SLC2A13: variants seen among roughly 807,000 people sequenced by gnomAD.
SLC2A13 encodes the protein solute carrier family 2 member 13.
SLC2A13 carries 32 observed loss-of-function variants against 64.4 expected under a neutral mutation model. The observed-to-expected ratio is 0.50, with a 90% CI of 0.37 to 0.67. SLC2A13 has a LOEUF of 0.67. SLC2A13 is among the 30% of genes least tolerant of loss of function. The pLI is 0.00. For missense variants in SLC2A13, 743 were observed against 829.2 expected (o/e 0.90, Z 1.28); for synonymous variants, 338 against 327.1 (o/e 1.03, Z -0.36).
At chr12:39,958,764 T>G (rs1015732820) in intron 3 of SLC2A13, among the ~76,000 whole-genome samples, 1 of 152,138 alleles carries the variant, frequency 6.6e-6, no homozygotes, top group South Asian at 2.1e-4. Context: ...AGTCCCATAT[T>G]GTTACAATTT....
At chr12:39,900,864 A>G (rs999798985) in intron 4 of SLC2A13, among the ~76,000 whole-genome samples, 2 of 152,238 alleles carry the variant, frequency 1.3e-5, no homozygotes, top group Non-Finnish European at 2.9e-5. Flanking sequence ...CAACCAAAAA[A>G]GATCCCGCAT....
intron 3 of SLC2A13, among the ~76,000 whole-genome samples, chr12:39,976,523 G>A (rs1031877971): frequency 6.6e-6 from 1 of 152,016 alleles, no homozygotes; most frequent in Non-Finnish European, 1.5e-5. Context: ...TGTTACCTCT[G>A]GTATTTCCCA....
intron 4 of SLC2A13, among the ~76,000 whole-genome samples, chr12:39,925,696 A>G (rs911750122): frequency 5.3e-5 from 8 of 152,196 alleles, no homozygotes; most frequent in Admixed American, 4.6e-4. Context: ...TAAAAGAGCC[A>G]CTACTAGTAA....
At chr12:40,011,962 C>T (rs148014499) in intron 3 of SLC2A13, among the ~76,000 whole-genome samples, 139 of 152,296 alleles carry the variant, frequency 9.1e-4, no homozygotes, top group South Asian at 1.7e-3. Context: ...CTGCAATAGC[C>T]ACCTAGTGAT....
intron 7 of SLC2A13, among the ~76,000 whole-genome samples, chr12:39,766,956 G>T (rs1940374629): frequency 6.6e-6 from 1 of 151,956 alleles, no homozygotes; most frequent in South Asian, 2.1e-4. Context: ...ATAAAGGTTG[G>T]AACAACTTCT....
At chr12:40,068,822 G>T (rs1324761049) in intron 1 of SLC2A13, among the ~76,000 whole-genome samples, 1 of 149,538 alleles carries the variant, frequency 6.7e-6, no homozygotes, top group Non-Finnish European at 1.5e-5. Context: ...CTTAATATGA[G>T]ATCTCTTGTT....
intron 3 of SLC2A13, among the ~76,000 whole-genome samples, chr12:39,972,330 G>A (rs937751223): frequency 1.3e-5 from 2 of 151,948 alleles, no homozygotes; most frequent in Admixed American, 1.3e-4. Flanking sequence ...AGAGCCTGCT[G>A]CCCAAGAATG....
At chr12:40,009,632 T>G (rs1947489761) in intron 3 of SLC2A13, among the ~76,000 whole-genome samples, 1 of 152,268 alleles carries the variant, frequency 6.6e-6, no homozygotes, top group Middle Eastern at 3.4e-3. Flanking sequence ...AAGGTCTCAC[T>G]ATGTTGCCCA....
chr12:39,993,545 G>C (rs1947174626), intron 3 of SLC2A13, among the ~76,000 whole-genome samples: 1 of 152,216 alleles, frequency 6.6e-6, no homozygotes, highest in Non-Finnish European at 1.5e-5. Flanking sequence ...GCTAGCTTAA[G>C]AGTTATCTGA....
intron 6 of SLC2A13, among the ~76,000 whole-genome samples, chr12:39,841,844 G>A (rs960964379): frequency 1.3e-5 from 2 of 151,962 alleles, no homozygotes; most frequent in Non-Finnish European, 2.9e-5. Flanking sequence ...AAATTCTTAG[G>A]TTTGCAAACA....
At position 39,789,911 on chromosome 12, in the gene SLC2A13, C is replaced by T. The variant is rs774271342; in HGVS notation, c.1446-25053G>A. Among the ~76,000 whole-genome samples the T allele has an allele frequency of 3.9e-5, 6 of 152,080 alleles. No individual in the cohort carries two copies. In the East Asian group the frequency reaches 7.7e-4, roughly 20 times the overall value. On this transcript the variant is annotated intron_variant, in intron 7 of 9. Coordinates refer to ENST00000280871, the MANE Select transcript of SLC2A13 (RefSeq NM_052885.4). ...CCTATTTCTGATTGGTTCATAGGAACGTCCAGATATATTATAAATCAGGAT... is the reference window on the plus strand; with the variant it reads ...CCTATTTCTGATTGGTTCATAGGAATGTCCAGATATATTATAAATCAGGAT...
At chr12:39,782,363 T>C (rs923976109) in intron 7 of SLC2A13, among the ~76,000 whole-genome samples, 55 of 152,144 alleles carry the variant, frequency 3.6e-4, no homozygotes, top group African/African-American at 1.2e-3. Flanking sequence ...TTTTCTATGC[T>C]ATTCTTGTAA....
At chr12:39,812,122 A>G (rs1228854198) in intron 7 of SLC2A13, among the ~76,000 whole-genome samples, 1 of 152,116 alleles carries the variant, frequency 6.6e-6, no homozygotes, top group African/African-American at 2.4e-5. Flanking sequence ...GAAGTCCAAG[A>G]TCTAGGCACA....
At chr12:40,004,612 A>ATTT (rs34482120) in intron 3 of SLC2A13, among the ~76,000 whole-genome samples, 6 of 145,062 alleles carry the variant, frequency 4.1e-5, no homozygotes, top group African/African-American at 1.3e-4. Flanking sequence ...TAAAGGACAG[A>ATTT]TTTTTTTTTT....
intron 7 of SLC2A13, among the ~76,000 whole-genome samples, chr12:39,820,104 A>T (rs889421022): frequency 3.9e-5 from 6 of 152,084 alleles, no homozygotes; most frequent in Admixed American, 1.3e-4. Context: ...CCTATAACTC[A>T]TTTACCAAAT....
intron 7 of SLC2A13, among the ~76,000 whole-genome samples, chr12:39,825,970 C>T (rs1942659401): frequency 6.6e-6 from 1 of 152,052 alleles, no homozygotes; most frequent in African/African-American, 2.4e-5. Flanking sequence ...TTTAGTTTCC[C>T]AGCTAAACTA....
At chr12:39,859,410 A>C (rs1431692035) in intron 6 of SLC2A13, among the ~76,000 whole-genome samples, 1 of 145,662 alleles carries the variant, frequency 6.9e-6, no homozygotes, top group Non-Finnish European at 1.5e-5. Context: ...CCTGGGGAGC[A>C]TTTCAAAACA....
rs539694036 is a variant in SLC2A13 at position 40,072,891 on chromosome 12, C to T, written c.557-24681G>A. ...TTACTGACAATTAGATCAAAGTCTA[C>T]CATATTTATTGTTTTCATTTATTTG... On this transcript the variant is annotated intron_variant, in intron 1 of 9. Coordinates refer to ENST00000280871, the MANE Select transcript of SLC2A13 (RefSeq NM_052885.4). 2.2e-4 allele frequency among the ~76,000 whole-genome samples: 33 copies of T among 152,088 alleles called. 1 individual carries two copies. Among genetic ancestry groups the T allele is most frequent in the African/African-American group, 7.7e-4 (32 of 41,550 alleles).
intron 1 of SLC2A13, among the ~76,000 whole-genome samples, chr12:40,073,198 T>C (rs1938029606): frequency 7.0e-6 from 1 of 143,604 alleles, no homozygotes; most frequent in South Asian, 2.2e-4. Flanking sequence ...GCATTTCACA[T>C]ATAAATAAGC....
Sources: gnomAD v4.1 joint callset for allele counts (sites outside exome capture counted in the v4.1 genomes callset) on GRCh38, gnomAD v4.1.1 for gene constraint, MANE v1.5 for transcripts, NCBI Gene and HGNC (gene_info 2026-07-23, HGNC 2026-07-21) for gene names.